Variants in UCHL5 observed in about 807,000 individuals in gnomAD.
The protein encoded by UCHL5 is ubiquitin C-terminal hydrolase L5, also known as ubiquitin carboxyl-terminal hydrolase isozyme L5.
UCHL5 carries 34 observed loss-of-function variants against 53.8 expected under a neutral mutation model. That is an observed-to-expected ratio of 0.63 (90% CI 0.48 to 0.84). The LOEUF is 0.84. Ranked by LOEUF, UCHL5 falls within the 40% of genes least tolerant of loss-of-function variation. The probability of loss-of-function intolerance (pLI) is 0.00; values close to 1 mark genes in which losing one functional copy is unlikely to be tolerated. For synonymous variants in UCHL5, 111 were observed against 126.3 expected (o/e 0.88, Z 0.81); for missense variants, 290 against 385.6 (o/e 0.75, Z 2.08).
intron 3 of UCHL5, among the ~76,000 whole-genome samples, chr1:193,040,437 G>A (rs1050593383): frequency 1.3e-4 from 20 of 152,096 alleles, no homozygotes; most frequent in East Asian, 3.9e-4. Flanking sequence ...AATCAAAACC[G>A]CAATGTTATC....
At chr1:193,046,613 C>G (rs1667403598) in intron 3 of UCHL5, among the ~76,000 whole-genome samples, 1 of 148,748 alleles carries the variant, frequency 6.7e-6, no homozygotes, top group Non-Finnish European at 1.5e-5. Flanking sequence ...TGTAAGGGAT[C>G]AGATTAATAA....
At chr1:193,020,259 C>T in intron 10 of UCHL5, 1 of 1,514,804 alleles carries the variant, frequency 6.6e-7, no homozygotes, top group Non-Finnish European at 8.9e-7. Flanking sequence ...TGGTTGAAAT[C>T]AATCTTTGCT....
chr1:193,047,162 CTAT>C (rs775338551), intron 3 of UCHL5, among the ~76,000 whole-genome samples: 2 of 151,824 alleles, frequency 1.3e-5, no homozygotes, highest in Non-Finnish European at 1.5e-5. Context: ...TGTATTATTA[CTAT>C]TATTATTATT....
chr1:193,030,860 T>G (rs1485599098), intron 3 of UCHL5, among the ~76,000 whole-genome samples: 2 of 152,152 alleles, frequency 1.3e-5, no homozygotes, highest in African/African-American at 2.4e-5. Flanking sequence ...CCTGAACTGT[T>G]GACTGAAGTA....
intron 1 of UCHL5, among the ~76,000 whole-genome samples, chr1:193,058,904 C>G (rs1206730404): frequency 6.6e-6 from 1 of 152,220 alleles, no homozygotes; most frequent in Non-Finnish European, 1.5e-5. Context: ...CGAGGGCCCT[C>G]AAGTCAATTA....
chr1:193,028,144 T>C lies in UCHL5; in HGVS notation c.570A>G (p.Ala190=). ...CACTGATCCAATCATCTTGATTGCA[T>C]GCACCTAGAAAGAAATTTTAAAACA... ...GLREGPIDLG[A]CNQDDWISAV... Residue 190 remains alanine (A), a synonymous_variant, in exon 7 of 11, where the codon GCA becomes GCG. Transcript: ENST00000367454. The C allele has an allele frequency of 6.3e-7, 1 of 1,593,520 alleles. No individual in the cohort carries two copies. Among genetic ancestry groups the C allele is most frequent in the South Asian group, 1.2e-5 (1 of 86,084 alleles).
At position 193,056,007 on chromosome 1, in the gene UCHL5, C is replaced by A. The variant is rs138685022; in HGVS notation, c.76+3178G>T. Among the ~76,000 whole-genome samples, 1,364 of 152,164 alleles carry A rather than the reference C, an allele frequency of 9.0e-3. 13 individuals carry two copies. The highest frequency in any genetic ancestry group is 0.034 in the South Asian group (163 of 4,822). On this transcript the variant is annotated intron_variant, in intron 1 of 10. Coordinates refer to ENST00000367454, the MANE Select transcript of UCHL5 (RefSeq NM_001199261.3). ...TTGATAGAATTTACCAGTGAAGCCA[C>A]CTTGGCTAGAATTTCTTTGTGGGAA...
chr1:193,016,175 C>T lies in UCHL5; in HGVS notation c.*176G>A, dbSNP rs778055193. 1.6e-4 allele frequency: 106 copies of T among 660,326 alleles called. No homozygotes were observed. Among genetic ancestry groups the T allele is most frequent in the Middle Eastern group, 2.8e-4 (1 of 3,596 alleles). 40.9% of individuals were successfully genotyped at this position (660,326 alleles called of 1,614,324 possible). ...ACTTTCATTTAATATGCACTACATGCACATGATGCAGGTAGGGAAGAAGTT... is the reference window on the plus strand; with the variant it reads ...ACTTTCATTTAATATGCACTACATGTACATGATGCAGGTAGGGAAGAAGTT... On this transcript the variant is annotated 3_prime_UTR_variant, in exon 11 of 11. Coordinates refer to ENST00000367454, the MANE Select transcript of UCHL5 (RefSeq NM_001199261.3).
At chr1:193,059,583 C>G (rs558260630), upstream of UCHL5, 1 of 1,479,166 alleles carries the variant, frequency 6.8e-7, no homozygotes. The surrounding 1 kb of genome is among the most constrained non-coding windows in gnomAD (Gnocchi z 4.9). Flanking sequence ...CCCTCTGGGG[C>G]GGAGGCGGGG....
intron 3 of UCHL5, among the ~76,000 whole-genome samples, chr1:193,040,691 C>T (rs187067300): frequency 3.3e-5 from 5 of 152,254 alleles, no homozygotes; most frequent in African/African-American, 4.8e-5. Context: ...TATCTGCACT[C>T]CTTGTTTTTA....
intron 9 of UCHL5, 41 bp downstream of exon 9, chr1:193,022,885 C>G (rs752362065): frequency 6.6e-6 from 9 of 1,361,816 alleles, no homozygotes; most frequent in Admixed American, 5.1e-5. Flanking sequence ...ATATACTGCT[C>G]TATATTAAAA....
intron 3 of UCHL5, among the ~76,000 whole-genome samples, chr1:193,045,815 A>T (rs1437607065): frequency 6.6e-6 from 1 of 152,218 alleles, no homozygotes; most frequent in Non-Finnish European, 1.5e-5. Context: ...TAATGTTTAA[A>T]TTTTTATAAT....
chr1:193,028,832 T>C (rs1318127200), intron 6 of UCHL5, among the ~76,000 whole-genome samples: 1 of 152,172 alleles, frequency 6.6e-6, no homozygotes, highest in Non-Finnish European at 1.5e-5. Context: ...TGTTAAGAAA[T>C]GCTTGCTATC....
chr1:193,018,598 G>C (rs1422877814), intron 10 of UCHL5: 4 of 1,236,808 alleles, frequency 3.2e-6, no homozygotes, highest in Admixed American at 4.0e-5. Flanking sequence ...GTTCATTATA[G>C]CCATGCCGAG....
Position 193,012,505 on chromosome 1 carries a change from T to C in UCHL5, c.*3846A>G, listed in dbSNP as rs917587170. 2 of 152,198 alleles carry C rather than the reference T, an allele frequency of 1.3e-5. No individual in the cohort carries two copies. Among genetic ancestry groups the C allele is most frequent in the African/African-American group, 4.8e-5 (2 of 41,446 alleles). 9.4% of individuals were successfully genotyped at this position (152,198 alleles called of 1,614,324 possible). The stretch of plus-strand genomic sequence containing the variant: ...CATTGGTTCTGCCTATATGCCTATA[T>C]GCAATCCACTTGTACAGTGTTAGTT... On this transcript the variant is annotated 3_prime_UTR_variant, in exon 11 of 11. Coordinates refer to ENST00000367454, the MANE Select transcript of UCHL5 (RefSeq NM_001199261.3).
upstream of UCHL5, chr1:193,059,723 G>A: frequency 7.4e-7 from 1 of 1,353,580 alleles, no homozygotes; most frequent in Non-Finnish European, 9.8e-7. The surrounding 1 kb of genome is among the most constrained non-coding windows in gnomAD (Gnocchi z 4.9). Context: ...CCAGCGCTGC[G>A]CAGGACTTCT....
chr1:193,021,272 A>G (rs1193003904), intron 9 of UCHL5, 77 bp from the exon 10 acceptor site: 1 of 936,272 alleles, frequency 1.1e-6, no homozygotes, highest in Non-Finnish European at 1.7e-6. Context: ...CCAACTCAAA[A>G]TAGAAATGGT....
intron 10 of UCHL5, chr1:193,020,217 A>G: frequency 7.1e-7 from 1 of 1,403,656 alleles, no homozygotes; most frequent in African/African-American, 1.5e-5. Context: ...CTCACATCTC[A>G]TATTATTTAG....
intron 7 of UCHL5, 51 bp from the exon 8 acceptor site, chr1:193,023,997 T>C: frequency 7.7e-7 from 1 of 1,300,534 alleles, no homozygotes; most frequent in Non-Finnish European, 1.1e-6. Flanking sequence ...TGTACAACTA[T>C]TACCGTTAAG....
Sources: allele counts gnomAD v4.1 joint callset (sites outside exome capture counted in the v4.1 genomes callset), GRCh38; gene constraint gnomAD v4.1.1; non-coding constraint Gnocchi (gnomAD v3.1); transcripts MANE v1.5; gene names NCBI Gene and HGNC (gene_info 2026-07-23, HGNC 2026-07-21).